DNAAF4: variants seen among roughly 807,000 people sequenced by gnomAD.
DNAAF4 encodes dynein axonemal assembly factor 4.
In DNAAF4, 43 loss-of-function variants were observed where a neutral mutation model predicts 51.8. The observed-to-expected ratio is 0.83, with a 90% confidence interval of 0.65 to 1.07. The LOEUF is 1.07. Among genes scored for constraint, DNAAF4 ranks in the 50% least tolerant of loss-of-function variants. The pLI, the probability that DNAAF4 is intolerant of heterozygous loss-of-function variation, is 0.00. For missense variants in DNAAF4, 581 were observed against 493.0 expected (o/e 1.18, Z -1.69); for synonymous variants, 194 against 165.6 (o/e 1.17, Z -1.32).
chr15:55,484,537 C>CAAAAA (rs2058460355), intron 4 of DNAAF4, among the ~76,000 whole-genome samples: 1 of 151,116 alleles, frequency 6.6e-6, no homozygotes, highest in East Asian at 1.9e-4. Context: ...TCTGCTATAT[C>CAAAAA]CACTTCTAGA....
At chr15:55,433,844 A>ATT (rs1316220465) in intron 8 of DNAAF4, among the ~76,000 whole-genome samples, 1 of 68,806 alleles carries the variant, frequency 1.5e-5, no homozygotes, top group Non-Finnish European at 2.8e-5. Flanking sequence ...TATATTATAT[A>ATT]TTATATATAT....
intron 3 of DNAAF4, among the ~76,000 whole-genome samples, chr15:55,494,934 A>G (rs1444032048): frequency 6.6e-6 from 1 of 152,238 alleles, no homozygotes; most frequent in Non-Finnish European, 1.5e-5. Context: ...ACCTGTGGCT[A>G]CTTTTGTGCT....
Position 55,467,004 on chromosome 15 carries a change from A to C in DNAAF4, c.563T>G (p.Ile188Ser). The change falls in exon 5 of 10, where the codon ATT (isoleucine) becomes AGT (serine). Residue 188 changes from isoleucine to serine, a missense_variant. Coordinates refer to ENST00000321149, the MANE Select transcript of DNAAF4 (RefSeq NM_130810.4). ...EEKLCQKEKQ[I>S]KEERKKIKYK... ...TTTTATTTTTTTTCTTTCTTCTTTA[A>C]TTTGCTTTTCTTTTTGACATAATTT... 6.3e-7 allele frequency: 1 copy of C among 1,577,590 alleles called. No homozygotes were observed. Among genetic ancestry groups the C allele is most frequent in the South Asian group, 1.2e-5 (1 of 83,650 alleles).
At chr15:55,427,066 TTTTG>T (rs928172369), downstream of DNAAF4, among the ~76,000 whole-genome samples, 12 of 152,132 alleles carry the variant, frequency 7.9e-5, no homozygotes, top group East Asian at 3.9e-4. Context: ...TTTTGTTTTT[TTTTG>T]TTTGTTTGTT....
At chr15:55,475,852 CT>C (rs916345553) in intron 4 of DNAAF4, among the ~76,000 whole-genome samples, 3 of 152,096 alleles carry the variant, frequency 2.0e-5, no homozygotes, top group Non-Finnish European at 4.4e-5. Context: ...AAGAGGAAAA[CT>C]TTGCAGTTGG....
At chr15:55,437,678 G>A (rs1368100520) in intron 7 of DNAAF4, among the ~76,000 whole-genome samples, 3 of 152,172 alleles carry the variant, frequency 2.0e-5, no homozygotes, top group African/African-American at 7.2e-5. Flanking sequence ...AAGGTAGAAG[G>A]AGGCAGGAGA....
At chr15:55,444,615 G>T (rs2057767006) in intron 6 of DNAAF4, among the ~76,000 whole-genome samples, 1 of 152,150 alleles carries the variant, frequency 6.6e-6, no homozygotes, top group African/African-American at 2.4e-5. Flanking sequence ...GGATGGCATT[G>T]AATCTATAAA....
chr15:55,489,800 C>T (rs7174641), intron 4 of DNAAF4, among the ~76,000 whole-genome samples: 68,827 of 150,824 alleles, frequency 0.46, 16,050 homozygotes, highest in African/African-American at 0.55. Flanking sequence ...CATGGGTCCA[C>T]AAAAATCTTA....
chr15:55,469,481 T>TTTTC (rs2058219984), intron 4 of DNAAF4, among the ~76,000 whole-genome samples: 1 of 95,896 alleles, frequency 1.0e-5, no homozygotes, highest in Non-Finnish European at 2.1e-5. Context: ...ATTCTTTTTT[T>TTTTC]TTTTTTTTTT....
intron 4 of DNAAF4, among the ~76,000 whole-genome samples, chr15:55,470,123 C>T (rs2141518134): frequency 6.6e-6 from 1 of 152,012 alleles, no homozygotes; most frequent in South Asian, 2.1e-4. Context: ...ACGATCTCGG[C>T]TCACTGCAAC....
chr15:55,427,602 G>A (rs2057443299), downstream of DNAAF4, among the ~76,000 whole-genome samples: 1 of 152,072 alleles, frequency 6.6e-6, no homozygotes, highest in South Asian at 2.1e-4. Context: ...GAGCAGTTTA[G>A]GGAGGGTCAG....
intron 3 of DNAAF4, among the ~76,000 whole-genome samples, chr15:55,492,830 G>A (rs1193598372): frequency 6.6e-6 from 1 of 152,234 alleles, no homozygotes; most frequent in African/African-American, 2.4e-5. Flanking sequence ...GAGCCACTGC[G>A]GCCGGCCAAA....
rs768199485 is a variant in DNAAF4 at position 55,432,622 on chromosome 15, T to C, written c.1048-20A>G. On this transcript the variant is annotated intron_variant, in intron 8 of 9. Transcript: ENST00000321149. The stretch of plus-strand genomic sequence containing the variant: ...CAGTGCCTTACAAAATATATATAAT[T>C]ATTACAAGAAAGTTATAGTTTCTTA... The C allele has an allele frequency of 6.3e-7, 1 of 1,579,788 alleles. No individual in the cohort carries two copies. The highest frequency in any genetic ancestry group is 1.1e-5 in the South Asian group (1 of 87,042).
intron 3 of DNAAF4, among the ~76,000 whole-genome samples, chr15:55,497,269 T>C (rs983395921): frequency 6.6e-6 from 1 of 152,138 alleles, no homozygotes; most frequent in African/African-American, 2.4e-5. Flanking sequence ...GTTTATTTTA[T>C]AGACCCAGCT....
Position 55,498,437 on chromosome 15 carries a change from G to A in DNAAF4, c.-108C>T. The A allele has an allele frequency of 1.4e-6, 2 of 1,476,832 alleles. No homozygotes were observed. Among genetic ancestry groups the A allele is most frequent in the Non-Finnish European group, 9.0e-7 (1 of 1,115,418 alleles). The allele number at this position is 1,476,832 out of a possible 1,614,324, so 91.5% of individuals were successfully genotyped here. ...CCAGCCCTTCCGGGTCAGGCCGGCC[G>A]GGAGCCCGGCGTTCCCAGCGTGCTC... On this transcript the variant is annotated 5_prime_UTR_variant, in exon 2 of 10. Coordinates refer to ENST00000321149, the MANE Select transcript of DNAAF4 (RefSeq NM_130810.4).
At chr15:55,487,355 T>G (rs1029009050) in intron 4 of DNAAF4, among the ~76,000 whole-genome samples, 1 of 151,846 alleles carries the variant, frequency 6.6e-6, no homozygotes, top group African/African-American at 2.4e-5. Flanking sequence ...TGTGTTTAGC[T>G]TAACAATTGT....
Position 55,450,361 on chromosome 15 carries a change from T to A in DNAAF4, c.644A>T (p.Asn215Ile). The A allele has an allele frequency of 6.2e-7, 1 of 1,608,572 alleles. No homozygotes were observed. Among genetic ancestry groups the A allele is most frequent in the East Asian group, 2.2e-5 (1 of 44,830 alleles). Reference protein sequence around the residue: ...ASRNLAPKGRNSENIFTEKLK... With the variant: ...ASRNLAPKGRISENIFTEKLK... The stretch of plus-strand genomic sequence containing the variant: ...CTTCTCAGTAAATATATTTTCTGAA[T>A]TTCTCCCTTCAAAAACAATGGTAGC... Residue 215 changes from asparagine to isoleucine, a missense_variant, in exon 6 of 10, where the codon AAT (asparagine) becomes ATT (isoleucine). Coordinates refer to ENST00000321149, the MANE Select transcript of DNAAF4 (RefSeq NM_130810.4).
chr15:55,446,299 G>GGC (rs1441836171), intron 6 of DNAAF4, among the ~76,000 whole-genome samples: 1 of 97,744 alleles, frequency 1.0e-5, no homozygotes, highest in African/African-American at 5.5e-5. Flanking sequence ...TCCCAGACGG[G>GGC]GGGGGGGGGC....
At chr15:55,467,774 C>T (rs895595437) in intron 4 of DNAAF4, among the ~76,000 whole-genome samples, 4 of 152,068 alleles carry the variant, frequency 2.6e-5, no homozygotes, top group African/African-American at 4.8e-5. Context: ...TATGTTTGCA[C>T]TAGTAGTTGT....
Sources: gnomAD v4.1 joint callset for allele counts (sites outside exome capture counted in the v4.1 genomes callset) on GRCh38, gnomAD v4.1.1 for gene constraint, MANE v1.5 for transcripts, NCBI Gene and HGNC (gene_info 2026-07-23, HGNC 2026-07-21) for gene names.